CNTNAP5: variants seen among roughly 807,000 people sequenced by gnomAD.
CNTNAP5 encodes the protein contactin associated protein family member 5, also known as contactin-associated protein-like 5.
CNTNAP5 carries 72 observed loss-of-function variants against 150.2 expected under a neutral mutation model. The observed-to-expected ratio is 0.48, with a 90% CI of 0.40 to 0.58. The LOEUF (loss-of-function observed/expected upper bound fraction) is 0.58, where lower values mean the gene tolerates loss of function less well. CNTNAP5 is among the 20% of genes least tolerant of loss of function. CNTNAP5 has a pLI of 0.00. For missense variants in CNTNAP5, 1,636 were observed against 1,626.2 expected, an observed-to-expected ratio of 1.01 and a Z score of -0.10; for synonymous variants, 672 against 619.8, an observed-to-expected ratio of 1.08 and a Z score of -1.25.
intron 3 of CNTNAP5, among the ~76,000 whole-genome samples, chr2:124,287,037 T>A (rs1036292939): frequency 6.6e-6 from 1 of 152,190 alleles, no homozygotes; most frequent in Non-Finnish European, 1.5e-5. Context: ...GAATGCTTCA[T>A]GTCCATCACA....
At chr2:124,628,110 G>T (rs1374981057) in intron 12 of CNTNAP5, among the ~76,000 whole-genome samples, 2 of 152,216 alleles carry the variant, frequency 1.3e-5, no homozygotes, top group Non-Finnish European at 2.9e-5. Flanking sequence ...TTTAAGAGAT[G>T]GGGAGAATGG....
intron 13 of CNTNAP5, among the ~76,000 whole-genome samples, chr2:124,744,041 A>G (rs1485977955): frequency 6.6e-6 from 1 of 152,130 alleles, no homozygotes; most frequent in Admixed American, 6.6e-5. Context: ...TCTTCATAGC[A>G]CACTTGCTGT....
At chr2:124,375,004 T>G (rs987887825) in intron 3 of CNTNAP5, among the ~76,000 whole-genome samples, 61 of 152,158 alleles carry the variant, frequency 4.0e-4, no homozygotes, top group African/African-American at 1.4e-3. Flanking sequence ...TGAATCTAAC[T>G]TGATATAAAT....
chr2:124,674,161 A>G (rs1678880276), intron 13 of CNTNAP5, among the ~76,000 whole-genome samples: 2 of 152,158 alleles, frequency 1.3e-5, no homozygotes, highest in South Asian at 4.1e-4. Flanking sequence ...ATCTTCTCAA[A>G]TAATCTACTT....
intron 3 of CNTNAP5, among the ~76,000 whole-genome samples, chr2:124,310,523 G>A (rs913838809): frequency 3.3e-5 from 5 of 151,478 alleles, no homozygotes; most frequent in Admixed American, 2.0e-4. Context: ...CCCCTTTCCC[G>A]TGCCCAAGCC....
intron 13 of CNTNAP5, among the ~76,000 whole-genome samples, chr2:124,720,779 AATTG>A (rs1447498940): frequency 1.3e-5 from 2 of 152,202 alleles, no homozygotes; most frequent in African/African-American, 4.8e-5. Context: ...TAAAATGACA[AATTG>A]ATTATTAGTG....
Position 124,855,860 on chromosome 2 carries a change from C to T in CNTNAP5, c.3218-9446C>T, listed in dbSNP as rs184314714. On this transcript the variant is annotated intron_variant, in intron 19 of 23. Transcript: ENST00000682447. The stretch of plus-strand genomic sequence containing the variant: ...CAATTTATAGTCTTTTATCCCTCAT[C>T]CCCCTTTCACCCTTACCCTTGAGTC... Among the ~76,000 whole-genome samples the T allele has an allele frequency of 2.0e-5, 3 of 152,230 alleles. No individual in the cohort carries two copies. The East Asian group carries it at 5.8e-4, about 29-fold the overall frequency.
intron 12 of CNTNAP5, among the ~76,000 whole-genome samples, chr2:124,644,917 C>T (rs1678172702): frequency 1.3e-5 from 2 of 152,084 alleles, no homozygotes; most frequent in African/African-American, 2.4e-5. Flanking sequence ...CACACACACA[C>T]ACACACACAC....
At chr2:124,619,840 T>C (rs1337182718) in intron 12 of CNTNAP5, among the ~76,000 whole-genome samples, 3 of 52,104 alleles carry the variant, frequency 5.8e-5, no homozygotes, top group African/African-American at 2.0e-4. Flanking sequence ...CACTGTCTCA[T>C]TCATATATAT....
rs573161203 is a variant in CNTNAP5 at position 124,025,853 on chromosome 2, T to A, written c.82+121T>A. The stretch of plus-strand genomic sequence containing the variant: ...TTGGGCAAAGGAAACGGAAAAAAAA[T>A]GCTGATCAGTGTGGTTCCATCACTC... On this transcript the variant is annotated intron_variant, in intron 1 of 23. Transcript: ENST00000682447. The A allele has an allele frequency of 3.0e-3, 2,565 of 843,452 alleles. 10 individuals are homozygous for A. Among genetic ancestry groups the A allele is most frequent in the Middle Eastern group, 3.8e-3 (16 of 4,226 alleles). 52.2% of individuals were successfully genotyped at this position (843,452 alleles called of 1,614,324 possible).
At chr2:124,128,048 A>C (rs1243983862) in intron 1 of CNTNAP5, among the ~76,000 whole-genome samples, 4 of 152,232 alleles carry the variant, frequency 2.6e-5, no homozygotes, top group Non-Finnish European at 5.9e-5. Context: ...GCAAAAGCCA[A>C]AATTGACAAA....
intron 1 of CNTNAP5, among the ~76,000 whole-genome samples, chr2:124,075,644 A>G (rs1472465735): frequency 6.6e-6 from 1 of 152,026 alleles, no homozygotes; most frequent in Non-Finnish European, 1.5e-5. Flanking sequence ...TTCAATTACC[A>G]ATTTTTGTAA....
chr2:124,730,830 A>G (rs1193161785), intron 13 of CNTNAP5, among the ~76,000 whole-genome samples: 1 of 152,088 alleles, frequency 6.6e-6, no homozygotes, highest in Admixed American at 6.6e-5. Flanking sequence ...TTTTTGTTAT[A>G]TACCCTGTAA....
At chr2:124,852,478 G>A (rs2104704642) in intron 19 of CNTNAP5, among the ~76,000 whole-genome samples, 1 of 152,304 alleles carries the variant, frequency 6.6e-6, no homozygotes, top group East Asian at 1.9e-4. Flanking sequence ...GTGGGTGAGG[G>A]CAAGTGTGGA....
chr2:124,909,118 T>C (rs1463915056), intron 22 of CNTNAP5, among the ~76,000 whole-genome samples: 2 of 152,158 alleles, frequency 1.3e-5, no homozygotes, highest in Non-Finnish European at 2.9e-5. Context: ...TAGAGTAATG[T>C]CCTGGACCTT....
At chr2:124,373,822 G>C (rs770975764) in intron 3 of CNTNAP5, among the ~76,000 whole-genome samples, 16 of 152,076 alleles carry the variant, frequency 1.1e-4, no homozygotes, top group Non-Finnish European at 2.1e-4. Context: ...TTGAAGAAAA[G>C]ACCTGATAAC....
At chr2:124,362,243 C>A (rs1027827389) in intron 3 of CNTNAP5, among the ~76,000 whole-genome samples, 4 of 152,228 alleles carry the variant, frequency 2.6e-5, no homozygotes, top group Non-Finnish European at 5.9e-5. Context: ...CGGTACGTCA[C>A]ATGGAAATGC....
Position 124,215,503 on chromosome 2 carries a change from T to C in CNTNAP5, c.83-6202T>C, listed in dbSNP as rs375857814. 3.9e-5 allele frequency among the ~76,000 whole-genome samples: 6 copies of C among 152,150 alleles called. No homozygotes were observed. The East Asian group carries it at 9.7e-4, about 24-fold the overall frequency. On this transcript the variant is annotated intron_variant, in intron 1 of 23. Coordinates refer to ENST00000682447, the MANE Select transcript of CNTNAP5 (RefSeq NM_001367498.1). ...CCTTCAGTATTTAACTGTATACATA[T>C]ACTGAAGAACATATTATCCCCTCTT...
chr2:124,656,788 C>T (rs1434305896), intron 13 of CNTNAP5, among the ~76,000 whole-genome samples: 2 of 152,126 alleles, frequency 1.3e-5, no homozygotes, highest in African/African-American at 2.4e-5. Flanking sequence ...AAGCCCATGT[C>T]CACTTCCTTT....
Sources: gnomAD v4.1 joint callset for allele counts (sites outside exome capture counted in the v4.1 genomes callset) on GRCh38, gnomAD v4.1.1 for gene constraint, MANE v1.5 for transcripts, NCBI Gene and HGNC (gene_info 2026-07-23, HGNC 2026-07-21) for gene names.